Variants in VIT observed in about 807,000 individuals in gnomAD.
VIT encodes the protein vitrin.
VIT carries 99 observed loss-of-function variants against 78.0 expected under a neutral mutation model. The observed-to-expected ratio is 1.27, with a 90% CI of 1.08 to 1.50. The LOEUF is 1.50. Among genes scored for constraint, VIT ranks in the 40% most tolerant of loss-of-function variants. The pLI is 0.00. For synonymous variants in VIT, 374 were observed against 334.3 expected (o/e 1.12, Z -1.29); for missense variants, 1,126 against 875.3 (o/e 1.29, Z -3.61).
chr2:36,740,006 T>C (rs1340714421), intron 3 of VIT, among the ~76,000 whole-genome samples: 1 of 152,226 alleles, frequency 6.6e-6, no homozygotes, highest in Admixed American at 6.5e-5. Context: ...GACACAGCAT[T>C]CCCCTCTGAC....
chr2:36,700,121 C>T (rs1490041530), intron 1 of VIT, among the ~76,000 whole-genome samples: 1 of 152,110 alleles, frequency 6.6e-6, no homozygotes, highest in Non-Finnish European at 1.5e-5. Context: ...TCATCGGATA[C>T]ATTTAGCAAA....
chr2:36,800,153 T>A (rs1471220164), intron 12 of VIT, among the ~76,000 whole-genome samples: 2 of 151,882 alleles, frequency 1.3e-5, no homozygotes, highest in Non-Finnish European at 2.9e-5. Context: ...AAGACCAGCC[T>A]GGCTAAGATG....
intron 6 of VIT, among the ~76,000 whole-genome samples, chr2:36,760,880 G>A (rs544125021): frequency 3.9e-5 from 6 of 152,276 alleles, no homozygotes; most frequent in African/African-American, 1.2e-4. Flanking sequence ...TCTGAGAACT[G>A]GGATGGGGTG....
At chr2:36,729,971 G>A (rs1242579721) in intron 3 of VIT, among the ~76,000 whole-genome samples, 2 of 152,212 alleles carry the variant, frequency 1.3e-5, no homozygotes, top group South Asian at 2.1e-4. Flanking sequence ...TCACTTTTGA[G>A]TGGTGTATCA....
At chr2:36,759,987 C>A (rs973378116) in intron 6 of VIT, among the ~76,000 whole-genome samples, 2 of 135,782 alleles carry the variant, frequency 1.5e-5, no homozygotes, top group Non-Finnish European at 3.1e-5. Flanking sequence ...TCTATATTTT[C>A]TTTCTCTTTT....
At chr2:36,787,513 G>A (rs547620413) in intron 12 of VIT, among the ~76,000 whole-genome samples, 1 of 152,354 alleles carries the variant, frequency 6.6e-6, no homozygotes, top group East Asian at 1.9e-4. Flanking sequence ...GATGGCATTT[G>A]CACTCAAGAA....
At chr2:36,781,817 G>A (rs1322278864) in intron 10 of VIT, 46 bp downstream of exon 10, 3 of 1,605,198 alleles carry the variant, frequency 1.9e-6, no homozygotes, top group South Asian at 2.2e-5. Flanking sequence ...ATCAAGATGC[G>A]CAGGATAGCA....
intron 6 of VIT, among the ~76,000 whole-genome samples, chr2:36,761,462 C>T (rs868002078): frequency 6.6e-6 from 1 of 151,980 alleles, no homozygotes; most frequent in Non-Finnish European, 1.5e-5. Context: ...TACTTGTGGC[C>T]GGGCGCAGTG....
intron 3 of VIT, among the ~76,000 whole-genome samples, chr2:36,738,854 T>G (rs766133195): frequency 6.6e-6 from 1 of 152,166 alleles, no homozygotes; most frequent in Non-Finnish European, 1.5e-5. Flanking sequence ...TTTTTCCTAA[T>G]GGCAGCAAAA....
chr2:36,806,975 C>T (rs576523532), intron 14 of VIT, among the ~76,000 whole-genome samples: 87 of 152,266 alleles, frequency 5.7e-4, no homozygotes, highest in African/African-American at 2.0e-3. Flanking sequence ...AGTTCATCAT[C>T]CTTCCCGCTG....
chr2:36,717,527 C>T (rs982213929), intron 2 of VIT, among the ~76,000 whole-genome samples: 2 of 152,080 alleles, frequency 1.3e-5, no homozygotes, highest in Non-Finnish European at 2.9e-5. Context: ...TGAGCCACCG[C>T]ACCCGGCCCA....
At chr2:36,754,493 C>T (rs1204887786) in intron 4 of VIT, among the ~76,000 whole-genome samples, 1 of 151,802 alleles carries the variant, frequency 6.6e-6, no homozygotes, top group East Asian at 1.9e-4. Flanking sequence ...GCTTTCCTCC[C>T]TGACCCAAAA....
At chr2:36,786,620 G>C (rs1485729292) in intron 11 of VIT, among the ~76,000 whole-genome samples, 1 of 152,178 alleles carries the variant, frequency 6.6e-6, no homozygotes, top group Non-Finnish European at 1.5e-5. Context: ...CCTCGCCCAG[G>C]GAAATGAAGG....
At chr2:36,769,699 A>G (rs1475785293) in intron 7 of VIT, among the ~76,000 whole-genome samples, 8 of 152,172 alleles carry the variant, frequency 5.3e-5, no homozygotes. Context: ...ACTTTCCAGA[A>G]ACCATACAAT....
intron 4 of VIT, among the ~76,000 whole-genome samples, chr2:36,745,746 G>A (rs897176917): frequency 7.9e-5 from 12 of 152,102 alleles, no homozygotes; most frequent in Non-Finnish European, 1.5e-5. Context: ...AGTCATATCA[G>A]TGAAGAGAGG....
intron 10 of VIT, among the ~76,000 whole-genome samples, chr2:36,782,580 C>T (rs1572531339): frequency 6.6e-6 from 1 of 152,202 alleles, no homozygotes. Flanking sequence ...GTGCTGCAAG[C>T]GTGCTCTGCC....
intron 2 of VIT, among the ~76,000 whole-genome samples, chr2:36,725,927 C>T (rs1256509408): frequency 1.3e-5 from 2 of 152,040 alleles, no homozygotes; most frequent in African/African-American, 4.8e-5. Flanking sequence ...AAAAATTAGC[C>T]AGGCATGTTG....
At chr2:36,788,718 T>C (rs1238853147) in intron 12 of VIT, among the ~76,000 whole-genome samples, 1 of 152,244 alleles carries the variant, frequency 6.6e-6, no homozygotes, top group Admixed American at 6.5e-5. Flanking sequence ...CGCGTTTTAA[T>C]GCCAAATGTC....
intron 4 of VIT, among the ~76,000 whole-genome samples, chr2:36,743,939 G>A (rs1275637700): frequency 6.6e-6 from 1 of 152,016 alleles, no homozygotes; most frequent in Non-Finnish European, 1.5e-5. Flanking sequence ...TAAATAGGTA[G>A]CTTTTCAGGC....
Sources: gnomAD v4.1 joint callset for allele counts (sites outside exome capture counted in the v4.1 genomes callset) on GRCh38, gnomAD v4.1.1 for gene constraint, MANE v1.5 for transcripts, NCBI Gene and HGNC (gene_info 2026-07-23, HGNC 2026-07-21) for gene names.